HS6ST3: variants seen among roughly 807,000 people sequenced by gnomAD.
HS6ST3 encodes heparan sulfate 6-O-sulfotransferase 3, also known as heparan-sulfate 6-O-sulfotransferase 3.
A neutral mutation model predicts 36.7 loss-of-function variants in HS6ST3; 12 were observed. That is an observed-to-expected ratio of 0.33 (90% CI 0.21 to 0.53). The LOEUF (loss-of-function observed/expected upper bound fraction) is 0.53. Ranked by LOEUF, HS6ST3 falls within the 20% of genes least tolerant of loss-of-function variation. HS6ST3 has a pLI of 0.95. For missense variants in HS6ST3, 584 were observed against 640.9 expected (o/e 0.91, Z 0.96); for synonymous variants, 240 against 257.5 (o/e 0.93, Z 0.65).
At chr13:96,519,868 G>T (rs533847694) in intron 1 of HS6ST3, among the ~76,000 whole-genome samples, 3 of 152,116 alleles carry the variant, frequency 2.0e-5, no homozygotes, top group Non-Finnish European at 2.9e-5. Flanking sequence ...ATATACTTAG[G>T]TCTTGATTTG....
intron 1 of HS6ST3, among the ~76,000 whole-genome samples, chr13:96,269,985 T>C (rs1021202210): frequency 6.6e-6 from 1 of 151,960 alleles, no homozygotes; most frequent in African/African-American, 2.4e-5. Context: ...ACAAGACTTA[T>C]CAGAATGCAG....
At position 96,144,163 on chromosome 13, in the gene HS6ST3, C is replaced by T. The variant is rs144021106; in HGVS notation, c.707+52594C>T. On this transcript the variant is annotated intron_variant, in intron 1 of 1. Transcript: ENST00000376705. ...TAAGGAGGATAAAATATCTGTTTGG[C>T]AGAGTTATGAGAATTAATAATCATT... Among the ~76,000 whole-genome samples the T allele has an allele frequency of 3.4e-3, 523 of 152,108 alleles. 3 individuals carry two copies. The highest frequency in any genetic ancestry group is 0.012 in the African/African-American group (503 of 41,496).
At chr13:96,809,252 A>G (rs1197024997) in intron 1 of HS6ST3, among the ~76,000 whole-genome samples, 2 of 152,206 alleles carry the variant, frequency 1.3e-5, no homozygotes, top group African/African-American at 4.8e-5. Flanking sequence ...CAATGCTAAC[A>G]TGACTCTCCC....
intron 1 of HS6ST3, among the ~76,000 whole-genome samples, chr13:96,384,548 C>T (rs2055357962): frequency 6.6e-6 from 1 of 152,108 alleles, no homozygotes; most frequent in African/African-American, 2.4e-5. Flanking sequence ...GTTCCTTCCT[C>T]GCCCTGGTGT....
At chr13:96,511,120 C>T (rs967795776) in intron 1 of HS6ST3, among the ~76,000 whole-genome samples, 1 of 152,128 alleles carries the variant, frequency 6.6e-6, no homozygotes, top group African/African-American at 2.4e-5. Context: ...GCATGGTCAC[C>T]TTACCCACCT....
intron 1 of HS6ST3, among the ~76,000 whole-genome samples, chr13:96,612,226 A>G (rs917377362): frequency 6.6e-6 from 1 of 152,118 alleles, no homozygotes; most frequent in Non-Finnish European, 1.5e-5. Flanking sequence ...GTTCCTGCTT[A>G]GGTCCTGAGA....
intron 1 of HS6ST3, among the ~76,000 whole-genome samples, chr13:96,659,558 A>G (rs1244191741): frequency 6.6e-6 from 1 of 152,058 alleles, no homozygotes; most frequent in East Asian, 1.9e-4. Flanking sequence ...GTATTAATGA[A>G]GAAATAGATT....
intron 1 of HS6ST3, among the ~76,000 whole-genome samples, chr13:96,585,367 A>G (rs1283092227): frequency 2.0e-5 from 3 of 152,204 alleles, no homozygotes; most frequent in African/African-American, 7.2e-5. Context: ...TGACAGAAAA[A>G]TTATATGCAT....
In HS6ST3 at chr13:96,407,931, AT is replaced by A. The variant is rs1445695871; in HGVS notation, c.707+316367del. On this transcript the variant is annotated intron_variant, in intron 1 of 1. Coordinates refer to ENST00000376705, the MANE Select transcript of HS6ST3 (RefSeq NM_153456.4). The stretch of plus-strand genomic sequence containing the variant: ...AACTCCCATATTGATAATATTCAGG[AT>A]TTTTAGCGTTATTATTATTATTATT... Among the ~76,000 whole-genome samples the A allele has an allele frequency of 5.3e-5, 8 of 152,176 alleles. No homozygotes were observed. In the East Asian group the frequency reaches 1.2e-3, roughly 22 times the overall value.
At chr13:96,478,502 G>A (rs1483372670) in intron 1 of HS6ST3, among the ~76,000 whole-genome samples, 1 of 152,078 alleles carries the variant, frequency 6.6e-6, no homozygotes, top group East Asian at 1.9e-4. Context: ...CCTCCATAGA[G>A]TTCCATAGTC....
intron 1 of HS6ST3, among the ~76,000 whole-genome samples, chr13:96,751,633 G>A (rs148055805): frequency 1.6e-3 from 238 of 152,094 alleles, no homozygotes; most frequent in African/African-American, 5.4e-3. Context: ...TTTAAATAAA[G>A]CCTGGACTCC....
intron 1 of HS6ST3, among the ~76,000 whole-genome samples, chr13:96,327,812 G>A (rs1262090006): frequency 1.3e-5 from 2 of 151,858 alleles, no homozygotes; most frequent in East Asian, 3.9e-4. Flanking sequence ...CTACCCATGA[G>A]CATGGAATGT....
intron 1 of HS6ST3, among the ~76,000 whole-genome samples, chr13:96,370,355 T>C (rs747277974): frequency 2.0e-5 from 3 of 152,232 alleles, no homozygotes; most frequent in Non-Finnish European, 2.9e-5. Context: ...TTTTTGTCAG[T>C]TCATTTGTTG....
chr13:96,622,887 G>C (rs571686564), intron 1 of HS6ST3, among the ~76,000 whole-genome samples: 20 of 151,936 alleles, frequency 1.3e-4, no homozygotes, highest in Non-Finnish European at 2.4e-4. Flanking sequence ...TATTTTAATT[G>C]CTCTATTTCT....
intron 1 of HS6ST3, among the ~76,000 whole-genome samples, chr13:96,330,891 CT>C (rs1464714783): frequency 2.7e-5 from 4 of 150,024 alleles, no homozygotes; most frequent in African/African-American, 7.4e-5. Context: ...TCTTTTTATT[CT>C]TTTTTCTCTA....
intron 1 of HS6ST3, among the ~76,000 whole-genome samples, chr13:96,656,938 T>C (rs1238477640): frequency 6.6e-6 from 1 of 151,028 alleles, no homozygotes; most frequent in Non-Finnish European, 1.5e-5. Context: ...GCCAGATGGA[T>C]TACTCTGGCT....
chr13:96,774,596 A>G (rs1376426870), intron 1 of HS6ST3, among the ~76,000 whole-genome samples: 1 of 152,200 alleles, frequency 6.6e-6, no homozygotes, highest in Admixed American at 6.5e-5. Context: ...TTGAAGATCA[A>G]CTTAATGAAA....
intron 1 of HS6ST3, among the ~76,000 whole-genome samples, chr13:96,115,140 T>C (rs2053887946): frequency 6.6e-6 from 1 of 152,302 alleles, no homozygotes; most frequent in South Asian, 2.1e-4. Context: ...TCAGGGACTT[T>C]TTCTTGGCAC....
At chr13:96,422,009 T>A (rs1271171678) in intron 1 of HS6ST3, among the ~76,000 whole-genome samples, 2 of 152,236 alleles carry the variant, frequency 1.3e-5, no homozygotes, top group African/African-American at 2.4e-5. Context: ...AATTATCACC[T>A]CCTTCTGAAT....
Sources: allele counts gnomAD v4.1 joint callset (sites outside exome capture counted in the v4.1 genomes callset), GRCh38; gene constraint gnomAD v4.1.1; transcripts MANE v1.5; gene names NCBI Gene and HGNC (gene_info 2026-07-23, HGNC 2026-07-21).